PEX16: variants seen among roughly 807,000 people sequenced by gnomAD.
The protein encoded by PEX16 is peroxin 16.
Under a neutral mutation model 50.5 loss-of-function variants are expected in PEX16, and 37 were observed. The observed-to-expected ratio is 0.73, with a 90% CI of 0.56 to 0.96. The LOEUF (loss-of-function observed/expected upper bound fraction) is 0.96, where lower values mean the gene tolerates loss of function less well. Ranked by LOEUF, PEX16 falls within the 40% of genes least tolerant of loss-of-function variation. The pLI is 0.00. For missense variants in PEX16, 401 were observed against 438.3 expected (o/e 0.91, Z 0.76); for synonymous variants, 185 against 190.3 (o/e 0.97, Z 0.23).
intron 9 of PEX16, among the ~76,000 whole-genome samples, chr11:45,911,715 G>A (rs1001265713): frequency 6.6e-6 from 1 of 152,152 alleles, no homozygotes; most frequent in African/African-American, 2.4e-5. Context: ...ATGTCTGTCT[G>A]AGCAGCAAGA....
Position 45,910,965 on chromosome 11 carries a change from G to T in PEX16, c.888-3C>A. ...GGAGCAGGAAGAGGATCCTGGCCCT[G>T]GGGGAGGCAATAAATGGGGAGCAAG... On this transcript the variant is annotated splice_region_variant and splice_polypyrimidine_tract_variant and intron_variant, in intron 9 of 10. Transcript: ENST00000378750. The T allele has an allele frequency of 6.2e-7, 1 of 1,612,532 alleles. No individual in the cohort carries two copies. The highest frequency in any genetic ancestry group is 8.5e-7 in the Non-Finnish European group (1 of 1,179,450).
At position 45,914,456 on chromosome 11, in the gene PEX16, T is replaced by C. The variant is rs751814237; in HGVS notation, c.554A>G (p.His185Arg). The change falls in exon 7 of 11, where the codon CAC (histidine) becomes CGC (arginine). Residue 185 changes from histidine (H) to arginine (R), a missense_variant. Transcript: ENST00000378750. Reference sequence around the variant, plus strand: ...CTGGGGAGCTCCCCAGTGCCTGGAGTGCAGGGACGGCGCTAGAACACAAGG... The same window carrying C: ...CTGGGGAGCTCCCCAGTGCCTGGAGCGCAGGGACGGCGCTAGAACACAAGG... ...VRTLQNTPSL[H>R]SRHWGAPQQR... is the part of the protein sequence containing the mutation. 2 of 1,607,654 alleles carry C rather than the reference T, an allele frequency of 1.2e-6. No homozygotes were observed.
chr11:45,913,173 G>A (rs910154911), intron 9 of PEX16, among the ~76,000 whole-genome samples: 9 of 152,082 alleles, frequency 5.9e-5, no homozygotes, highest in African/African-American at 2.2e-4. Flanking sequence ...GGGGTCCCGG[G>A]AGCCTTGTCT....
In PEX16 at chr11:45,909,938, T is replaced by C. The variant is rs916677936; in HGVS notation, c.*316A>G. ...GAGAGAGCAGCAGTGTTCGCTCCTATGGCTGCCGAGGCGAGCAGCTTCCCG... is the reference window on the plus strand; with the variant it reads ...GAGAGAGCAGCAGTGTTCGCTCCTACGGCTGCCGAGGCGAGCAGCTTCCCG... On this transcript the variant is annotated 3_prime_UTR_variant, in exon 11 of 11. Transcript: ENST00000378750. 1.4e-6 allele frequency: 1 copy of C among 717,592 alleles called. No individual in the cohort carries two copies. Among genetic ancestry groups the C allele is most frequent in the Non-Finnish European group, 2.4e-6 (1 of 409,804 alleles). The allele number at this position is 717,592 out of a possible 1,614,324, so 44.5% of individuals were successfully genotyped here.
rs760707150 is a variant in PEX16 at position 45,914,380 on chromosome 11, G to A, written c.630C>T (p.Pro210=). ...QQHHEELSAT[P]TPLGLQETIA... is the part of the protein sequence containing the mutation. Reference sequence around the variant, plus strand: ...TGGTCTCCTGCAGCCCCAGGGGGGTGGGGGTCGCACTCAGCTCCTCGTGAT... The same window carrying A: ...TGGTCTCCTGCAGCCCCAGGGGGGTAGGGGTCGCACTCAGCTCCTCGTGAT... Residue 210 remains proline (P), a synonymous_variant, in exon 7 of 11, where the codon CCC becomes CCT. Coordinates refer to ENST00000378750, the MANE Select transcript of PEX16 (RefSeq NM_004813.4). 7 of 1,610,414 alleles carry A rather than the reference G, an allele frequency of 4.3e-6. No homozygotes were observed. In the African/African-American group the frequency reaches 8.0e-5, roughly 18 times the overall value.
At position 45,910,082 on chromosome 11, in the gene PEX16, A is replaced by C. The variant is rs1207606363; in HGVS notation, c.*172T>G. ...GGCTGCAGTGGCATCGTCACAGGAG[A>C]GCGCAGTCAAGGGTGTCCTGGGAGG... On this transcript the variant is annotated 3_prime_UTR_variant, in exon 11 of 11. Coordinates refer to ENST00000378750, the MANE Select transcript of PEX16 (RefSeq NM_004813.4). 1 of 1,609,186 alleles carries C rather than the reference A, an allele frequency of 6.2e-7. No homozygotes were observed. The highest frequency in any genetic ancestry group is 1.3e-5 in the African/African-American group (1 of 74,788).
chr11:45,916,454 C>T (rs879152022), intron 2 of PEX16, 151 bp from the exon 3 acceptor site: 2 of 731,622 alleles, frequency 2.7e-6, no homozygotes, highest in African/African-American at 3.4e-5. Flanking sequence ...CCCACTTCCT[C>T]AGCACTCCCC....
At chr11:45,915,214 T>C (rs1387583351) in intron 5 of PEX16, among the ~76,000 whole-genome samples, 1 of 152,214 alleles carries the variant, frequency 6.6e-6, no homozygotes, top group Non-Finnish European at 1.5e-5. Flanking sequence ...GTTGGCGGCA[T>C]CCCATCTGTT....
intron 8 of PEX16, 55 bp from the exon 9 acceptor site, chr11:45,913,993 AG>A: frequency 1.2e-6 from 2 of 1,607,828 alleles, no homozygotes; most frequent in Non-Finnish European, 1.7e-6. Flanking sequence ...GGCCCACGGA[AG>A]GGGAGGAGCC....
chr11:45,911,028 GC>G, intron 9 of PEX16, 66 bp from the exon 10 acceptor site: 1 of 1,099,700 alleles, frequency 9.1e-7, no homozygotes, highest in Non-Finnish European at 1.4e-6. Flanking sequence ...AAACCAGGAG[GC>G]CCAGAGGCCT....
upstream of PEX16, chr11:45,918,087 G>T (rs1167000902): frequency 1.7e-5 from 9 of 516,446 alleles, no homozygotes. Context: ...CCCCTGACCC[G>T]CCCAGCGCCG....
At chr11:45,918,796 G>A (rs2086868978), upstream of PEX16, 1 of 152,270 alleles carries the variant, frequency 6.6e-6, no homozygotes, top group South Asian at 2.1e-4. Flanking sequence ...CCCTGGAACG[G>A]GTGGCACCGG....
Position 45,917,818 on chromosome 11 carries a change from C to T in PEX16, c.-7G>A. 1 of 1,532,490 alleles carries T rather than the reference C, an allele frequency of 6.5e-7. No homozygotes were observed. The highest frequency in any genetic ancestry group is 1.2e-5 in the South Asian group (1 of 83,906). 94.9% of individuals were successfully genotyped at this position (1,532,490 alleles called of 1,614,324 possible). On this transcript the variant is annotated 5_prime_UTR_variant, in exon 1 of 11. Coordinates refer to ENST00000378750, the MANE Select transcript of PEX16 (RefSeq NM_004813.4). ...GGAGCCGCAGCTTCTCCATCCTGCCCTCGGCACCGACAGACCCACAGAAGG... is the reference window on the plus strand; with the variant it reads ...GGAGCCGCAGCTTCTCCATCCTGCCTTCGGCACCGACAGACCCACAGAAGG...
upstream of PEX16, chr11:45,918,270 G>C: frequency 3.9e-6 from 1 of 257,812 alleles, no homozygotes; most frequent in South Asian, 4.1e-5. Flanking sequence ...GATTTTAAAG[G>C]GCTGAGAGAT....
intron 3 of PEX16, 85 bp downstream of exon 3, chr11:45,916,142 A>T: frequency 1.0e-6 from 1 of 985,030 alleles, no homozygotes; most frequent in Non-Finnish European, 1.6e-6. Context: ...ACTCCATGAG[A>T]CATGTGCTGC....
In PEX16 at chr11:45,914,392, C is replaced by T. The variant is rs779040845; in HGVS notation, c.618G>A (p.Leu206=). The T allele has an allele frequency of 2.5e-6, 4 of 1,610,074 alleles. No individual in the cohort carries two copies. The highest frequency in any genetic ancestry group is 1.7e-5 in the Admixed American group (1 of 60,030). ...GCCCCAGGGGGGTGGGGGTCGCACT[C>T]AGCTCCTCGTGATGCTGCTGCTGCC... ...EGRQQQHHEE[L]SATPTPLGLQ... Residue 206 remains leucine, a synonymous_variant, in exon 7 of 11, where the codon CTG becomes CTA. Coordinates refer to ENST00000378750, the MANE Select transcript of PEX16 (RefSeq NM_004813.4).
upstream of PEX16, chr11:45,918,315 T>C: frequency 4.4e-6 from 1 of 228,970 alleles, no homozygotes; most frequent in South Asian, 5.2e-5. Flanking sequence ...TCGATCAGAT[T>C]TGGGGAGGTG....
At chr11:45,912,392 C>G (rs901527771) in intron 9 of PEX16, among the ~76,000 whole-genome samples, 1 of 150,734 alleles carries the variant, frequency 6.6e-6, no homozygotes, top group African/African-American at 2.4e-5. Context: ...CCCAGCTACT[C>G]AGGAGTTGAG....
chr11:45,912,007 T>A (rs1363643666), intron 9 of PEX16: 2 of 151,680 alleles, frequency 1.3e-5, no homozygotes, highest in African/African-American at 2.4e-5. Flanking sequence ...CTGGGCAACG[T>A]GAGTGAAACT....
Sources: allele counts gnomAD v4.1 joint callset (sites outside exome capture counted in the v4.1 genomes callset), GRCh38; gene constraint gnomAD v4.1.1; transcripts MANE v1.5; gene names NCBI Gene and HGNC (gene_info 2026-07-23, HGNC 2026-07-21).